The following SYN3 variants were observed in gnomAD, a reference collection of about 807,000 sequenced individuals.
The protein encoded by SYN3 is synapsin-3.
In SYN3, 35 loss-of-function variants were observed where a neutral mutation model predicts 65.8. The ratio of observed to expected loss-of-function variants is 0.53; its 90% CI spans 0.41 to 0.70. The LOEUF is 0.70. Ranked by LOEUF, SYN3 falls within the 30% of genes least tolerant of loss-of-function variation. The probability of loss-of-function intolerance (pLI) is 0.00; values close to 1 mark genes in which losing one functional copy is unlikely to be tolerated. For missense variants in SYN3, 680 were observed against 749.0 expected, an observed-to-expected ratio of 0.91 and a Z score of 1.08; for synonymous variants, 270 against 292.9, an observed-to-expected ratio of 0.92 and a Z score of 0.80.
At chr22:32,696,212 A>G (rs1184828401) in intron 6 of SYN3, among the ~76,000 whole-genome samples, 1 of 152,188 alleles carries the variant, frequency 6.6e-6, no homozygotes, top group Non-Finnish European at 1.5e-5. Context: ...GCAAAGAGAG[A>G]GAGTAGAGAA....
chr22:32,604,532 C>T (rs927893997), intron 6 of SYN3, among the ~76,000 whole-genome samples: 15 of 112,616 alleles, frequency 1.3e-4, no homozygotes, highest in African/African-American at 4.9e-4. Flanking sequence ...CTCATGTCTC[C>T]GCTGAGATAC....
At position 32,556,834 on chromosome 22, in the gene SYN3, T is replaced by TTG. The variant is rs1569035455; in HGVS notation, c.775-15123_775-15122dup. On this transcript the variant is annotated intron_variant, in intron 7 of 13. Transcript: ENST00000358763. ...TTTTTTTTTTTTTTTTTTTTTTTTT[T>TTG]TGTGTGTAGAGATGGGGTCTTGCTG... Among the ~76,000 whole-genome samples the TTG allele has an allele frequency of 1.1e-3, 139 of 129,172 alleles. 4 individuals carry two copies. Among genetic ancestry groups the TTG allele is most frequent in the East Asian group, 1.8e-3 (8 of 4,444 alleles). 84.7% of individuals were successfully genotyped at this position (129,172 alleles called of 152,430 possible).
At chr22:32,522,059 GAGCACATACACA>G (rs1034819763) in intron 12 of SYN3, among the ~76,000 whole-genome samples, 15 of 152,178 alleles carry the variant, frequency 9.9e-5, no homozygotes, top group South Asian at 6.2e-4. Flanking sequence ...TTTTTCATAT[GAGCACATACACA>G]AAATATTAAC....
chr22:32,685,784 T>C (rs1470634338), intron 6 of SYN3, among the ~76,000 whole-genome samples: 1 of 152,238 alleles, frequency 6.6e-6, no homozygotes, highest in Non-Finnish European at 1.5e-5. Context: ...GACCTCATCA[T>C]CCCATTTCTA....
chr22:32,940,927 AT>A (rs982112222), intron 3 of SYN3, among the ~76,000 whole-genome samples: 8 of 152,196 alleles, frequency 5.3e-5, no homozygotes, highest in African/African-American at 1.9e-4. Flanking sequence ...CAAAATACAC[AT>A]GGACACTGGT....
chr22:32,574,973 C>G (rs1231750705), intron 7 of SYN3, among the ~76,000 whole-genome samples: 7 of 152,222 alleles, frequency 4.6e-5, no homozygotes, highest in African/African-American at 1.7e-4. Context: ...TTCCCTGCTC[C>G]TTGCACACTA....
In SYN3 at chr22:32,512,848, GA is replaced by G. The variant is rs2057707410; in HGVS notation, c.*843del. ...ACGGCATTCCTGGTGGGAGGCCAGA[GA>G]GATCAAACAGTGGTGGAACAGAATG... On this transcript the variant is annotated 3_prime_UTR_variant, in exon 14 of 14. Transcript: ENST00000358763. 6.6e-6 allele frequency: 1 copy of G among 152,220 alleles called. No homozygotes were observed. Among genetic ancestry groups the G allele is most frequent in the Admixed American group, 6.5e-5 (1 of 15,282 alleles). The allele number at this position is 152,220 out of a possible 1,614,324, so 9.4% of individuals were successfully genotyped here.
At chr22:33,052,646 C>G (rs1016065130) in intron 1 of SYN3, among the ~76,000 whole-genome samples, 5 of 151,788 alleles carry the variant, frequency 3.3e-5, no homozygotes, top group African/African-American at 1.2e-4. Flanking sequence ...AACCCTTGTG[C>G]TCCAGCTCTG....
At chr22:32,526,219 C>G (rs969657142) in intron 12 of SYN3, among the ~76,000 whole-genome samples, 1 of 152,072 alleles carries the variant, frequency 6.6e-6, no homozygotes, top group Admixed American at 6.5e-5. Context: ...TTACTATATA[C>G]TGGGGTGGTC....
At position 32,508,844 on chromosome 22, in the gene SYN3, A is replaced by C. The variant is rs1400885885; in HGVS notation, c.*4848T>G. Among the ~76,000 whole-genome samples the C allele has an allele frequency of 6.6e-6, 1 of 152,224 alleles. No homozygotes were observed. Among genetic ancestry groups the C allele is most frequent in the Non-Finnish European group, 1.5e-5 (1 of 68,040 alleles). ...TGAGCTTCACTCTCTTGACCCATGCACAAGATACCTGCACTAGCTTGCCAG... is the reference window on the plus strand; with the variant it reads ...TGAGCTTCACTCTCTTGACCCATGCCCAAGATACCTGCACTAGCTTGCCAG... On this transcript the variant is annotated 3_prime_UTR_variant, in exon 14 of 14. Transcript: ENST00000358763.
intron 4 of SYN3, among the ~76,000 whole-genome samples, chr22:32,886,285 T>G (rs2049285477): frequency 6.6e-6 from 1 of 152,222 alleles, no homozygotes; most frequent in Non-Finnish European, 1.5e-5. Flanking sequence ...CAGTCACTTC[T>G]GCGAGGTCGT....
chr22:33,037,505 A>G (rs1473021863), intron 1 of SYN3, among the ~76,000 whole-genome samples: 2 of 152,228 alleles, frequency 1.3e-5, no homozygotes, highest in Non-Finnish European at 2.9e-5. Context: ...TTGTCAAACT[A>G]TATTAATCAT....
chr22:32,810,912 C>G (rs991354193), intron 6 of SYN3, among the ~76,000 whole-genome samples: 14 of 152,196 alleles, frequency 9.2e-5, no homozygotes, highest in African/African-American at 3.4e-4. Context: ...CATGATAGCT[C>G]TAGTGAGCTC....
intron 6 of SYN3, among the ~76,000 whole-genome samples, chr22:32,855,538 G>A (rs1363483054): frequency 6.6e-6 from 1 of 152,114 alleles, no homozygotes; most frequent in Non-Finnish European, 1.5e-5. Flanking sequence ...AAGCTACTTA[G>A]CCTGCCTGTG....
chr22:32,703,638 TAA>T (rs529566235), intron 6 of SYN3, among the ~76,000 whole-genome samples: 62 of 135,170 alleles, frequency 4.6e-4, no homozygotes, highest in Non-Finnish European at 5.0e-4. Flanking sequence ...CTCCATCGCT[TAA>T]AAAAAAAAAA....
intron 6 of SYN3, among the ~76,000 whole-genome samples, chr22:32,809,981 T>G (rs1354104129): frequency 6.6e-6 from 1 of 152,212 alleles, no homozygotes. Flanking sequence ...ATGCCTGGGA[T>G]AGACAGCAGG....
At chr22:32,903,301 T>C (rs1049538776) in intron 4 of SYN3, among the ~76,000 whole-genome samples, 1 of 152,214 alleles carries the variant, frequency 6.6e-6, no homozygotes, top group Admixed American at 6.5e-5. Flanking sequence ...TAGTAAACAT[T>C]ATGTAAGTGC....
intron 6 of SYN3, among the ~76,000 whole-genome samples, chr22:32,855,718 G>A (rs1569278803): frequency 6.6e-6 from 1 of 152,090 alleles, no homozygotes; most frequent in Non-Finnish European, 1.5e-5. Flanking sequence ...GGGATGTTTA[G>A]CAACCTCCCT....
intron 4 of SYN3, among the ~76,000 whole-genome samples, chr22:32,913,020 C>T (rs905194762): frequency 7.6e-5 from 11 of 145,642 alleles, no homozygotes; most frequent in African/African-American, 2.3e-4. Flanking sequence ...AGATGAGGTT[C>T]GATTATAAAA....
Sources: gnomAD v4.1 joint callset for allele counts (sites outside exome capture counted in the v4.1 genomes callset) on GRCh38, gnomAD v4.1.1 for gene constraint, MANE v1.5 for transcripts, NCBI Gene and HGNC (gene_info 2026-07-23, HGNC 2026-07-21) for gene names.